JMY: variants seen among roughly 807,000 people sequenced by gnomAD.
The protein encoded by JMY is junction-mediating and -regulatory protein.
Under a neutral mutation model 103.3 loss-of-function variants are expected in JMY, and 46 were observed. The ratio of observed to expected loss-of-function variants is 0.45; its 90% CI spans 0.35 to 0.57. JMY has a LOEUF of 0.57. JMY is among the 20% of genes least tolerant of loss of function. JMY has a pLI of 0.00. For synonymous variants in JMY, 526 were observed against 489.3 expected, an observed-to-expected ratio of 1.07 and a Z score of -0.99; for missense variants, 1,238 against 1,255.2, an observed-to-expected ratio of 0.99 and a Z score of 0.21.
In JMY at chr5:79,236,940, C is replaced by T; in HGVS notation, c.290C>T (p.Thr97Ile). The change falls in exon 1 of 11, where the codon ACT (threonine) becomes ATT (isoleucine). Residue 97 changes from threonine to isoleucine, a missense_variant. Coordinates refer to ENST00000396137, the MANE Select transcript of JMY (RefSeq NM_152405.5). ...CGGCCCGAGGCCACTGCCTCTGCAA[C>T]TCTGGTTAGGAGCCCCGGGCCCCGG... ...RGRPEATASA[T>I]LVRSPGPRRS... 1.4e-6 allele frequency: 2 copies of T among 1,437,076 alleles called. No homozygotes were observed. The highest frequency in any genetic ancestry group is 1.8e-6 in the Non-Finnish European group (2 of 1,099,238). The allele number at this position is 1,437,076 out of a possible 1,614,324, so 89.0% of individuals were successfully genotyped here.
rs115626592 is a variant in JMY at position 79,243,574 on chromosome 5, G to A, written c.1032+5892G>A. ...ATGGGAGCTGTAGACTTTCAAGACA[G>A]AAGATATGTCAACATTGTAGCTTGA... On this transcript the variant is annotated intron_variant, in intron 1 of 10. Transcript: ENST00000396137. Among the ~76,000 whole-genome samples the A allele has an allele frequency of 5.1e-3, 775 of 152,304 alleles. 4 individuals are homozygous for A. Among genetic ancestry groups the A allele is most frequent in the African/African-American group, 0.016 (663 of 41,562 alleles).
intron 1 of JMY, among the ~76,000 whole-genome samples, chr5:79,247,835 A>G (rs1342998103): frequency 1.4e-5 from 2 of 144,316 alleles, no homozygotes; most frequent in Non-Finnish European, 3.0e-5. Flanking sequence ...GTATTTTTGT[A>G]TTTTATTTTA....
chr5:79,236,766 A>T lies in JMY; in HGVS notation c.116A>T (p.Glu39Val). 1 of 1,511,636 alleles carries T rather than the reference A, an allele frequency of 6.6e-7. No individual in the cohort carries two copies. The highest frequency in any genetic ancestry group is 8.9e-7 in the Non-Finnish European group (1 of 1,128,506). 93.6% of individuals were successfully genotyped at this position (1,511,636 alleles called of 1,614,324 possible). Reference protein sequence around the residue: ...FVFIVAWNEIEGKFAITCHNR... With the variant: ...FVFIVAWNEIVGKFAITCHNR... ...TTTATTGTGGCCTGGAACGAGATTG[A>T]GGGCAAGTTTGCCATAACCTGCCAC... is the stretch of plus-strand genomic sequence containing the variant. Residue 39 changes from glutamate to valine, a missense_variant, in exon 1 of 11, where the codon GAG becomes GTG. Coordinates refer to ENST00000396137, the MANE Select transcript of JMY (RefSeq NM_152405.5).
At chr5:79,301,396 A>G (rs1331106738) in intron 6 of JMY, among the ~76,000 whole-genome samples, 2 of 152,136 alleles carry the variant, frequency 1.3e-5, no homozygotes, top group African/African-American at 4.8e-5. Flanking sequence ...TAGCTCTCCA[A>G]CCTAGACCAA....
At chr5:79,298,433 A>T (rs1366151877) in intron 4 of JMY, among the ~76,000 whole-genome samples, 1 of 152,144 alleles carries the variant, frequency 6.6e-6, no homozygotes, top group Non-Finnish European at 1.5e-5. Flanking sequence ...ATGAAAAGGG[A>T]TGTTTATCAT....
rs1561297845 is a variant in JMY, at chr5:79,270,548, G to GTATATTTACATAAATATTTACATAAAATA, written c.1033-7342_1033-7341insCATAAAATATATATTTACATAAATATTTA. On this transcript the variant is annotated intron_variant, in intron 1 of 10. Transcript: ENST00000396137. ...ATATATTTACATAAATATTTAAAAT[G>GTATATTTACATAAATATTTACATAAAATA]TATATTTACATAAATATTTAAAATG... 1.4e-4 allele frequency among the ~76,000 whole-genome samples: 4 copies of GTATATTTACATAAATATTTACATAAAATA among 28,990 alleles called. 1 individual carries two copies. Among genetic ancestry groups the GTATATTTACATAAATATTTACATAAAATA allele is most frequent in the African/African-American group, 3.4e-4 (4 of 11,712 alleles). The allele number at this position is 28,990 out of a possible 152,430, so 19.0% of individuals were successfully genotyped here. A position where few individuals can be genotyped will look rare whatever the true frequency, so the allele number is the denominator to read the frequency against.
intron 2 of JMY, among the ~76,000 whole-genome samples, chr5:79,279,719 C>A (rs1284971063): frequency 2.6e-5 from 4 of 152,086 alleles, no homozygotes; most frequent in African/African-American, 9.7e-5. Context: ...AATAGCTGTG[C>A]TGTCAGCTTT....
At chr5:79,264,415 G>A (rs1580339824) in intron 1 of JMY, among the ~76,000 whole-genome samples, 1 of 150,052 alleles carries the variant, frequency 6.7e-6, no homozygotes, top group Non-Finnish European at 1.5e-5. Context: ...TTTTTGTAGA[G>A]ACATGGTCTC....
chr5:79,270,479 A>G (rs1390317748), intron 1 of JMY, among the ~76,000 whole-genome samples: 2 of 103,354 alleles, frequency 1.9e-5, no homozygotes, highest in Admixed American at 1.1e-4. Context: ...GTATATTTAC[A>G]TAAATATTTA....
At chr5:79,312,607 T>C (rs575102972) in intron 8 of JMY, 109 bp downstream of exon 8, 9 of 516,088 alleles carry the variant, frequency 1.7e-5, no homozygotes, top group Non-Finnish European at 3.0e-5. Context: ...TTTTCCCTTA[T>C]TTATAAACTA....
chr5:79,320,477 TTTTTTTG>T (rs1232427208), intron 10 of JMY, among the ~76,000 whole-genome samples: 1 of 151,832 alleles, frequency 6.6e-6, no homozygotes, highest in Non-Finnish European at 1.5e-5. Context: ...GCCCAGCTAA[TTTTTTTG>T]AAGTTTTAGT....
At chr5:79,249,828 G>A (rs1010295317) in intron 1 of JMY, among the ~76,000 whole-genome samples, 4 of 152,144 alleles carry the variant, frequency 2.6e-5, no homozygotes, top group Non-Finnish European at 4.4e-5. Flanking sequence ...GACTGGCCTT[G>A]AGTAGAGGCC....
intron 2 of JMY, among the ~76,000 whole-genome samples, chr5:79,280,404 C>T (rs1264460187): frequency 1.3e-5 from 2 of 152,192 alleles, no homozygotes; most frequent in African/African-American, 4.8e-5. Flanking sequence ...CCACTAGCAT[C>T]ACTTAACTGC....
At chr5:79,281,693 T>C (rs997527662) in intron 2 of JMY, among the ~76,000 whole-genome samples, 1 of 152,096 alleles carries the variant, frequency 6.6e-6, no homozygotes, top group Non-Finnish European at 1.5e-5. Context: ...GGGATGGACT[T>C]AAAAGGGGCA....
intron 1 of JMY, among the ~76,000 whole-genome samples, chr5:79,263,684 A>AT (rs1745493928): frequency 6.7e-6 from 1 of 150,214 alleles, no homozygotes; most frequent in African/African-American, 2.5e-5. Context: ...TGGCCACTAA[A>AT]ATTTTTTTTT....
intron 5 of JMY, 76 bp downstream of exon 5, chr5:79,300,394 T>G: frequency 2.9e-6 from 4 of 1,371,690 alleles, no homozygotes; most frequent in Non-Finnish European, 3.9e-6. Flanking sequence ...TAGGTATGTT[T>G]CTTTTGTTAA....
chr5:79,313,463 T>C (rs183775124), intron 8 of JMY, among the ~76,000 whole-genome samples: 189 of 152,238 alleles, frequency 1.2e-3, no homozygotes, highest in African/African-American at 4.4e-3. Context: ...GTAAAATATA[T>C]ATAAGAGTTC....
chr5:79,253,773 G>C (rs1300361714), intron 1 of JMY, among the ~76,000 whole-genome samples: 2 of 152,012 alleles, frequency 1.3e-5, no homozygotes, highest in African/African-American at 4.8e-5. Flanking sequence ...TGGAGTGCAG[G>C]CTCAAGCAGT....
intron 1 of JMY, among the ~76,000 whole-genome samples, chr5:79,275,660 T>G (rs1369672540): frequency 1.3e-5 from 2 of 152,216 alleles, no homozygotes; most frequent in African/African-American, 4.8e-5. Context: ...TGCCCCACGG[T>G]TTGTTGTTGT....
Sources: gnomAD v4.1 joint callset for allele counts (sites outside exome capture counted in the v4.1 genomes callset) on GRCh38, gnomAD v4.1.1 for gene constraint, MANE v1.5 for transcripts, NCBI Gene and HGNC (gene_info 2026-07-23, HGNC 2026-07-21) for gene names.